Variants in SLC13A1 observed in about 807,000 individuals in gnomAD.
The protein encoded by SLC13A1 is solute carrier family 13 member 1, also known as Na(+)/sulfate cotransporter.
In SLC13A1, 65 loss-of-function variants were observed where a neutral mutation model predicts 70.0. That is an observed-to-expected ratio of 0.93 (90% CI 0.76 to 1.14). The LOEUF (loss-of-function observed/expected upper bound fraction) is 1.14. Among genes scored for constraint, SLC13A1 ranks in the 50% most tolerant of loss-of-function variants. SLC13A1 has a pLI of 0.00. For missense variants in SLC13A1, 726 were observed against 717.8 expected (o/e 1.01, Z -0.13); for synonymous variants, 275 against 250.5 (o/e 1.10, Z -0.92).
Position 123,186,141 on chromosome 7 carries a change from G to A in SLC13A1, c.100-5040C>T, listed in dbSNP as rs577171167. Among the ~76,000 whole-genome samples the A allele has an allele frequency of 9.9e-5, 15 of 151,760 alleles. No homozygotes were observed. In the South Asian group the frequency reaches 3.1e-3, roughly 32 times the overall value. ...AAAACTATCCTATTAAAGTATATAG[G>A]GTTATTTTTTACTTTAAAATCAAAG... On this transcript the variant is annotated intron_variant, in intron 1 of 14. Coordinates refer to ENST00000194130, the MANE Select transcript of SLC13A1 (RefSeq NM_022444.4).
chr7:123,193,543 A>G (rs1796070699), intron 1 of SLC13A1, among the ~76,000 whole-genome samples: 1 of 152,202 alleles, frequency 6.6e-6, no homozygotes, highest in Admixed American at 6.5e-5. Context: ...TCGTGATTGC[A>G]AATGCAGGAA....
At chr7:123,121,347 A>T (rs1793375696) in intron 12 of SLC13A1, among the ~76,000 whole-genome samples, 1 of 152,102 alleles carries the variant, frequency 6.6e-6, no homozygotes. Context: ...ATGGATAACC[A>T]GCATGTTTCT....
At chr7:123,198,983 T>C (rs1323030097) in intron 1 of SLC13A1, among the ~76,000 whole-genome samples, 1 of 152,014 alleles carries the variant, frequency 6.6e-6, no homozygotes, top group Non-Finnish European at 1.5e-5. Flanking sequence ...ATACACATCT[T>C]TCATATGAGA....
chr7:123,124,272 G>A (rs562314865), intron 11 of SLC13A1, among the ~76,000 whole-genome samples: 1 of 152,256 alleles, frequency 6.6e-6, no homozygotes, highest in Non-Finnish European at 1.5e-5. Context: ...GGATTCCTCA[G>A]TACTTGCCAC....
chr7:123,149,418 T>G (rs1235946095), intron 6 of SLC13A1: 4 of 453,616 alleles, frequency 8.8e-6, no homozygotes, highest in Non-Finnish European at 1.3e-5. Flanking sequence ...GTTCTCCAAG[T>G]AGTAGTTTCT....
intron 2 of SLC13A1, among the ~76,000 whole-genome samples, chr7:123,176,856 C>G (rs1006160074): frequency 1.6e-4 from 25 of 152,122 alleles, no homozygotes; most frequent in African/African-American, 5.8e-4. Flanking sequence ...TCATTTGCCT[C>G]TTACTGTTAT....
At chr7:123,123,025 A>G in intron 12 of SLC13A1, 101 bp downstream of exon 12, 1 of 950,608 alleles carries the variant, frequency 1.1e-6, no homozygotes, top group Non-Finnish European at 1.7e-6. Flanking sequence ...CAACATTAAA[A>G]TGACAGAGTG....
chr7:123,191,265 G>A (rs1795987084), intron 1 of SLC13A1, among the ~76,000 whole-genome samples: 1 of 152,136 alleles, frequency 6.6e-6, no homozygotes. Flanking sequence ...GAGCTGGGCA[G>A]TGTTTGCTTC....
chr7:123,150,619 A>C (rs1464240363), intron 6 of SLC13A1, among the ~76,000 whole-genome samples: 3 of 152,056 alleles, frequency 2.0e-5, no homozygotes, highest in Non-Finnish European at 4.4e-5. Context: ...TTGTCTCCTC[A>C]TTCCACCCAC....
rs17145505 is a variant in SLC13A1 at position 123,181,834 on chromosome 7, A to G, written c.100-733T>C. ...TTTAGTAAAGGTTAGCAGCTATCAA[A>G]TGGTGCTATTTTGCTCTCACAGTGC... is the stretch of plus-strand genomic sequence containing the variant. On this transcript the variant is annotated intron_variant, in intron 1 of 14. Coordinates refer to ENST00000194130, the MANE Select transcript of SLC13A1 (RefSeq NM_022444.4). Among the ~76,000 whole-genome samples, 1,271 of 152,234 alleles carry G rather than the reference A, an allele frequency of 8.3e-3. 18 individuals carry two copies. The highest frequency in any genetic ancestry group is 0.028 in the African/African-American group (1,180 of 41,506).
In SLC13A1 at chr7:123,151,386, G is replaced by GTGTGTATA. The variant is rs142703205; in HGVS notation, c.661-4077_661-4076insTATACACA. Among the ~76,000 whole-genome samples, 622 of 145,860 alleles carry GTGTGTATA rather than the reference G, an allele frequency of 4.3e-3. 1 individual carries two copies. The highest frequency in any genetic ancestry group is 4.8e-3 in the Non-Finnish European group (320 of 66,884). ...AATATATGTGTGTGTGTGTGTGTGT[G>GTGTGTATA]TATATATATATATATATGTATATGT... is the stretch of plus-strand genomic sequence containing the variant. On this transcript the variant is annotated intron_variant, in intron 6 of 14. Transcript: ENST00000194130.
At chr7:123,166,948 C>T (rs943546429) in intron 6 of SLC13A1, among the ~76,000 whole-genome samples, 3 of 152,184 alleles carry the variant, frequency 2.0e-5, no homozygotes, top group South Asian at 2.1e-4. Flanking sequence ...AAAAAATGCT[C>T]ATCATCACTG....
intron 8 of SLC13A1, 93 bp from the exon 9 acceptor site, chr7:123,129,574 G>A (rs13229376): frequency 0.28 from 240,642 of 869,314 alleles, 35,564 homozygotes; most frequent in East Asian, 0.39. Context: ...TCATCTTCAC[G>A]CAATATGAAT....
At chr7:123,123,090 G>T in intron 12 of SLC13A1, 36 bp downstream of exon 12, 1 of 1,391,384 alleles carries the variant, frequency 7.2e-7, no homozygotes, top group Non-Finnish European at 1.0e-6. Flanking sequence ...TGAACAGTCT[G>T]GTTAATTGTT....
chr7:123,135,256 T>TCAA (rs1158307848), intron 7 of SLC13A1, among the ~76,000 whole-genome samples: 2 of 152,116 alleles, frequency 1.3e-5, no homozygotes, highest in African/African-American at 2.4e-5. Context: ...ACATAATAAC[T>TCAA]CAACAACAAC....
chr7:123,151,213 A>G (rs959119035), intron 6 of SLC13A1, among the ~76,000 whole-genome samples: 2 of 151,828 alleles, frequency 1.3e-5, no homozygotes, highest in African/African-American at 4.8e-5. Flanking sequence ...AATCCCCACT[A>G]CTTGGGAGGC....
intron 8 of SLC13A1, 55 bp downstream of exon 8, chr7:123,134,355 G>A: frequency 1.3e-6 from 2 of 1,557,090 alleles, no homozygotes; most frequent in Admixed American, 3.7e-5. Context: ...AAGAAGCTAA[G>A]AACTGGGAAC....
intron 1 of SLC13A1, among the ~76,000 whole-genome samples, chr7:123,184,461 C>G (rs1190697015): frequency 6.6e-6 from 1 of 152,138 alleles, no homozygotes; most frequent in Non-Finnish European, 1.5e-5. Context: ...CTCTCCACTT[C>G]TATGAGATCA....
chr7:123,184,170 C>T (rs1026195093), intron 1 of SLC13A1, among the ~76,000 whole-genome samples: 4 of 152,110 alleles, frequency 2.6e-5, no homozygotes, highest in African/African-American at 9.6e-5. Context: ...ATTGTATGTA[C>T]TGTATTTATC....
Sources: gnomAD v4.1 joint callset for allele counts (sites outside exome capture counted in the v4.1 genomes callset) on GRCh38, gnomAD v4.1.1 for gene constraint, MANE v1.5 for transcripts, NCBI Gene and HGNC (gene_info 2026-07-23, HGNC 2026-07-21) for gene names.